Variants in TMEM131L observed in about 807,000 individuals in gnomAD.
The protein encoded by TMEM131L is transmembrane 131 like.
Under a neutral mutation model 192.2 loss-of-function variants are expected in TMEM131L, and 54 were observed. The ratio of observed to expected loss-of-function variants is 0.28; its 90% CI spans 0.23 to 0.35. The LOEUF is 0.35. Ranked by LOEUF, TMEM131L falls within the 10% of genes least tolerant of loss-of-function variation. TMEM131L has a pLI of 1.00. For synonymous variants in TMEM131L, 701 were observed against 704.9 expected (o/e 0.99, Z 0.09); for missense variants, 1,888 against 1,972.9 (o/e 0.96, Z 0.82).
At chr4:153,497,878 CAAAAAA>C (rs200874155) in intron 3 of TMEM131L, among the ~76,000 whole-genome samples, 36 of 70,328 alleles carry the variant, frequency 5.1e-4, no homozygotes, top group East Asian at 5.0e-3. Flanking sequence ...GAAAAATTTC[CAAAAAA>C]AAAAAAAAAA....
At chr4:153,512,588 C>T (rs936465541) in intron 3 of TMEM131L, among the ~76,000 whole-genome samples, 13 of 152,140 alleles carry the variant, frequency 8.5e-5, no homozygotes, top group Non-Finnish European at 1.6e-4. Flanking sequence ...TTCTTCATGC[C>T]ATTCCTGACA....
chr4:153,596,602 C>T (rs1402126859), intron 20 of TMEM131L, among the ~76,000 whole-genome samples: 3 of 152,174 alleles, frequency 2.0e-5, no homozygotes, highest in Admixed American at 1.3e-4. Context: ...AGGGAGTGTG[C>T]GTGCATGTCT....
At position 153,555,908 on chromosome 4, in the gene TMEM131L, A is replaced by G; in HGVS notation, c.430A>G (p.Arg144Gly). The G allele has an allele frequency of 7.7e-6, 12 of 1,551,328 alleles. No homozygotes were observed. Among genetic ancestry groups the G allele is most frequent in the Non-Finnish European group, 9.6e-6 (11 of 1,146,778 alleles). The change falls in exon 5 of 35, where the codon AGG (arginine) becomes GGG (glycine). Residue 144 changes from arginine (R) to glycine (G), a missense_variant and splice_region_variant. By Grantham distance (125) the Arg-to-Gly change is moderately radical. Coordinates refer to ENST00000409959, the MANE Select transcript of TMEM131L (RefSeq NM_001131007.2). The surrounding 1 kb of genome is among the most constrained non-coding windows in gnomAD (Gnocchi z 4.1). ...GHFHVPPVPC[R>G]VIPAMGKTSF... ...TTTCCATGTACCGCCAGTTCCCTGCAGGGTGGGTGTTGATGGACTCCTGGA... is the reference window on the plus strand; with the variant it reads ...TTTCCATGTACCGCCAGTTCCCTGCGGGGTGGGTGTTGATGGACTCCTGGA...
chr4:153,563,567 G>T (rs932044218), intron 7 of TMEM131L, among the ~76,000 whole-genome samples: 1 of 139,586 alleles, frequency 7.2e-6, no homozygotes, highest in Non-Finnish European at 1.5e-5. Flanking sequence ...TCCTGAGCTC[G>T]ACCCGTCCTC....
chr4:153,486,717 C>G (rs1174226076), intron 3 of TMEM131L, among the ~76,000 whole-genome samples: 4 of 152,228 alleles, frequency 2.6e-5, no homozygotes, highest in Non-Finnish European at 5.9e-5. Context: ...TACTCCCCAG[C>G]AGACTTCCCC....
chr4:153,631,993 G>A (rs1734242512), intron 31 of TMEM131L, among the ~76,000 whole-genome samples: 1 of 152,190 alleles, frequency 6.6e-6, no homozygotes, highest in African/African-American at 2.4e-5. Flanking sequence ...TGTTTTCTCA[G>A]TGAGGCCTTT....
At position 153,627,744 on chromosome 4, in the gene TMEM131L, T is replaced by G. The variant is rs997580519; in HGVS notation, c.4207+57T>G. The G allele has an allele frequency of 3.1e-5, 44 of 1,424,614 alleles. No individual in the cohort carries two copies. In the African/African-American group the frequency reaches 5.9e-4, roughly 19 times the overall value. The allele number at this position is 1,424,614 out of a possible 1,614,324, so 88.2% of individuals were successfully genotyped here. On this transcript the variant is annotated intron_variant, in intron 31 of 34. Coordinates refer to ENST00000409959, the MANE Select transcript of TMEM131L (RefSeq NM_001131007.2). ...GCCAAGGGTTCTGTGCTGTCTGTATTCCTGGCTGATGAGTTTGAGAAGACA... is the reference window on the plus strand; with the variant it reads ...GCCAAGGGTTCTGTGCTGTCTGTATGCCTGGCTGATGAGTTTGAGAAGACA...
chr4:153,470,029 CTTTT>C (rs1003727736), intron 2 of TMEM131L, among the ~76,000 whole-genome samples: 4 of 142,986 alleles, frequency 2.8e-5, no homozygotes, highest in Admixed American at 7.0e-5. Flanking sequence ...TTGATTAAGT[CTTTT>C]TTTTTTTTTA....
intron 3 of TMEM131L, among the ~76,000 whole-genome samples, chr4:153,500,638 C>T (rs1373336585): frequency 6.6e-6 from 1 of 152,160 alleles, no homozygotes; most frequent in Non-Finnish European, 1.5e-5. Flanking sequence ...CCGTCATCTT[C>T]TTTTTATTTT....
At chr4:153,522,059 C>T (rs1488501515) in intron 3 of TMEM131L, among the ~76,000 whole-genome samples, 2 of 152,146 alleles carry the variant, frequency 1.3e-5, no homozygotes, top group Non-Finnish European at 2.9e-5. Context: ...AAATCTTACA[C>T]GTGCTGCCCT....
rs1580028643 is a variant in TMEM131L at position 153,481,502 on chromosome 4, G to A, written c.239+7614G>A. Among the ~76,000 whole-genome samples the A allele has an allele frequency of 3.3e-5, 5 of 152,236 alleles. No individual in the cohort carries two copies. In the South Asian group the frequency reaches 1.0e-3, roughly 32 times the overall value. ...ACCATATTTGCCATTGAAATAACAGGACTAGTATTTGTGTTAGAGGCTGTA... is the reference window on the plus strand; with the variant it reads ...ACCATATTTGCCATTGAAATAACAGAACTAGTATTTGTGTTAGAGGCTGTA... On this transcript the variant is annotated intron_variant, in intron 3 of 34. Transcript: ENST00000409959.
intron 31 of TMEM131L, 161 bp from the exon 32 acceptor site, chr4:153,632,557 G>A: frequency 1.4e-6 from 1 of 729,654 alleles, no homozygotes. Flanking sequence ...ACAATATGCT[G>A]TATTTCAGAA....
Position 153,525,582 on chromosome 4 carries a change from A to T in TMEM131L, c.240-24491A>T, listed in dbSNP as rs143402531. Among the ~76,000 whole-genome samples the T allele has an allele frequency of 7.1e-3, 1,075 of 152,278 alleles. 18 individuals carry two copies. The highest frequency in any genetic ancestry group is 0.024 in the African/African-American group (1,014 of 41,554). ...CTCGAGCTCCTGACCTCAAGTGATC[A>T]GCCTGCCTGGGCCTCCCAAAGTGCT... is the stretch of plus-strand genomic sequence containing the variant. On this transcript the variant is annotated intron_variant, in intron 3 of 34. Coordinates refer to ENST00000409959, the MANE Select transcript of TMEM131L (RefSeq NM_001131007.2).
At chr4:153,616,797 A>G (rs1733005379) in intron 26 of TMEM131L, among the ~76,000 whole-genome samples, 1 of 152,234 alleles carries the variant, frequency 6.6e-6, no homozygotes, top group Non-Finnish European at 1.5e-5. Flanking sequence ...ATTTTCTATA[A>G]AAATTAAATG....
chr4:153,474,138 G>A (rs1393475073), intron 3 of TMEM131L, among the ~76,000 whole-genome samples: 2 of 152,194 alleles, frequency 1.3e-5, no homozygotes, highest in African/African-American at 4.8e-5. Flanking sequence ...TTTCCATGAT[G>A]TGCTTGTGCC....
intron 7 of TMEM131L, among the ~76,000 whole-genome samples, chr4:153,566,106 T>G (rs1278058680): frequency 6.6e-6 from 1 of 152,106 alleles, no homozygotes; most frequent in Non-Finnish European, 1.5e-5. Context: ...ATGTTGTTGT[T>G]AAAAATGTGA....
intron 26 of TMEM131L, among the ~76,000 whole-genome samples, chr4:153,617,707 A>T (rs1233470536): frequency 6.6e-6 from 1 of 152,222 alleles, no homozygotes; most frequent in African/African-American, 2.4e-5. Flanking sequence ...AGTGAACAGG[A>T]TCCTGCTTCC....
At chr4:153,498,398 A>C (rs745709632) in intron 3 of TMEM131L, among the ~76,000 whole-genome samples, 13 of 152,234 alleles carry the variant, frequency 8.5e-5, no homozygotes, top group Non-Finnish European at 1.8e-4. Context: ...ACTCATTCCC[A>C]GCTCGCTATT....
At chr4:153,551,921 T>C (rs966539457) in intron 4 of TMEM131L, among the ~76,000 whole-genome samples, 13 of 152,078 alleles carry the variant, frequency 8.5e-5, no homozygotes, top group African/African-American at 3.1e-4. Context: ...AAAATCTTTA[T>C]TGTGAGGCTG....
Sources: allele counts gnomAD v4.1 joint callset (sites outside exome capture counted in the v4.1 genomes callset), GRCh38; gene constraint gnomAD v4.1.1; non-coding constraint Gnocchi (gnomAD v3.1); transcripts MANE v1.5; gene names NCBI Gene and HGNC (gene_info 2026-07-23, HGNC 2026-07-21).